PKP1: variants seen among roughly 807,000 people sequenced by gnomAD.
PKP1 encodes plakophilin 1, also known as plakophilin-1.
In PKP1, 27 loss-of-function variants were observed where a neutral mutation model predicts 76.4. The ratio of observed to expected loss-of-function variants is 0.35; its 90% CI spans 0.26 to 0.49. The LOEUF is 0.49. Ranked by LOEUF, PKP1 falls within the 20% of genes least tolerant of loss-of-function variation. The pLI, the probability that PKP1 is intolerant of heterozygous loss-of-function variation, is 0.99. For missense variants in PKP1, 964 were observed against 955.2 expected (o/e 1.01, Z -0.12); for synonymous variants, 404 against 384.2 (o/e 1.05, Z -0.60).
chr1:201,324,429 T>G lies in PKP1; in HGVS notation c.1682T>G (p.Met561Arg). 1 of 1,614,140 alleles carries G rather than the reference T, an allele frequency of 6.2e-7. No homozygotes were observed. Among genetic ancestry groups the G allele is most frequent in the East Asian group, 2.2e-5 (1 of 44,872 alleles). The change falls in exon 10 of 14, where the codon ATG becomes AGG. Residue 561 changes from methionine to arginine, a missense_variant and splice_region_variant. Met to Arg is a moderately conservative substitution (Grantham distance 91, BLOSUM62 -1). Transcript: ENST00000367324. ...LQNLTASKGL[M>R]SSGMSQLIGL... ...CATCATCTACTCCTTCTCTCTTAGA[T>G]GTCCAGTGGCATGAGCCAGTTGATT...
chr1:201,299,512 T>C (rs1195457571), intron 2 of PKP1, among the ~76,000 whole-genome samples: 1 of 152,180 alleles, frequency 6.6e-6, no homozygotes, highest in Non-Finnish European at 1.5e-5. Context: ...AGGACTCACT[T>C]AGGGTTGCAT....
intron 2 of PKP1, among the ~76,000 whole-genome samples, chr1:201,306,679 CT>C (rs3216545): frequency 0.041 from 5,991 of 146,882 alleles, 346 homozygotes; most frequent in African/African-American, 0.13. Context: ...AAAACTTTTA[CT>C]TTTTTTTTTT....
In PKP1 at chr1:201,325,934, C is replaced by A. The variant is rs549497704; in HGVS notation, c.2106+96C>A. 89 of 855,980 alleles carry A rather than the reference C, an allele frequency of 1.0e-4. 1 individual carries two copies. In the South Asian group the frequency reaches 1.2e-3, roughly 11 times the overall value. The allele number at this position is 855,980 out of a possible 1,614,324, so 53.0% of individuals were successfully genotyped here. On this transcript the variant is annotated intron_variant, in intron 12 of 13. Transcript: ENST00000367324. The stretch of plus-strand genomic sequence containing the variant: ...GGCTCTGGGCTGGGCACTAGAGAAA[C>A]GCCCCTGCCCTTCGGGACAGTCTGA...
chr1:201,292,674 T>A (rs864402), intron 1 of PKP1, among the ~76,000 whole-genome samples: 1 of 152,172 alleles, frequency 6.6e-6, no homozygotes, highest in Non-Finnish European at 1.5e-5. Context: ...CTACCTTGGC[T>A]GGGTGAGATC....
intron 1 of PKP1, among the ~76,000 whole-genome samples, chr1:201,290,718 G>A (rs1330854909): frequency 2.0e-5 from 3 of 152,228 alleles, no homozygotes; most frequent in African/African-American, 7.2e-5. Flanking sequence ...AAGCCAGTCA[G>A]GCCCAGACCC....
chr1:201,306,186 G>T (rs1656360176), intron 2 of PKP1, among the ~76,000 whole-genome samples: 1 of 152,224 alleles, frequency 6.6e-6, no homozygotes, highest in Admixed American at 6.5e-5. Context: ...GAGGGGGAAA[G>T]GTAAAACAGA....
intron 7 of PKP1, among the ~76,000 whole-genome samples, chr1:201,320,638 T>C (rs532107927): frequency 6.6e-6 from 1 of 152,358 alleles, no homozygotes; most frequent in Admixed American, 6.5e-5. Flanking sequence ...CGGTTCACTC[T>C]TCACTCTAAT....
Position 201,283,638 on chromosome 1 carries a change from C to A in PKP1, c.-65C>A. 7.1e-7 allele frequency: 1 copy of A among 1,414,264 alleles called. No homozygotes were observed. Among genetic ancestry groups the A allele is most frequent in the South Asian group, 1.2e-5 (1 of 83,594 alleles). The allele number at this position is 1,414,264 out of a possible 1,614,324, so 87.6% of individuals were successfully genotyped here. ...AGCACGCTCCTGCCCGCCCGCTGCA[C>A]CGCACCTCGCCTCGCCTCTCTGCTC... On this transcript the variant is annotated 5_prime_UTR_variant, in exon 1 of 14. Transcript: ENST00000367324.
intron 1 of PKP1, among the ~76,000 whole-genome samples, chr1:201,285,032 A>G (rs915786504): frequency 6.6e-6 from 1 of 152,190 alleles, no homozygotes; most frequent in East Asian, 1.9e-4. Context: ...GTGAGCAAAG[A>G]TTCCACTTGT....
chr1:201,317,347 G>A (rs1278183336), intron 4 of PKP1, among the ~76,000 whole-genome samples: 1 of 151,684 alleles, frequency 6.6e-6, no homozygotes, highest in Non-Finnish European at 1.5e-5. Context: ...TCCCAGCTAG[G>A]ATATGGGAGC....
intron 3 of PKP1, chr1:201,316,121 T>C (rs372458561): frequency 3.6e-4 from 49 of 136,220 alleles, no homozygotes; most frequent in Admixed American, 1.9e-3. Flanking sequence ...GATGGACGGA[T>C]GGACGGACGG....
chr1:201,293,439 G>A (rs1226630433), intron 1 of PKP1, among the ~76,000 whole-genome samples: 1 of 152,238 alleles, frequency 6.6e-6, no homozygotes, highest in Non-Finnish European at 1.5e-5. Flanking sequence ...AAGAATGGGA[G>A]GAAGTTTGGT....
Position 201,313,552 on chromosome 1 carries a change from C to T in PKP1, c.693C>T (p.Ala231=). The T allele has an allele frequency of 6.2e-7, 1 of 1,612,578 alleles. No individual in the cohort carries two copies. The highest frequency in any genetic ancestry group is 8.5e-7 in the Non-Finnish European group (1 of 1,178,964). The change falls in exon 3 of 14, where the codon GCC becomes GCT. Residue 231 remains alanine (A), a synonymous_variant. Transcript: ENST00000367324. ...ACCTGTCCTTTGGCCACTCTAGGGC[C>T]AGCTCCAAGTGAGTGCTGCTGGGCT... ...NKDLSFGHSR[A]SSKICSEDIE... is the part of the protein sequence containing the mutation.
chr1:201,325,230 A>G, intron 11 of PKP1, 103 bp downstream of exon 11: 2 of 1,236,710 alleles, frequency 1.6e-6, no homozygotes, highest in Non-Finnish European at 2.3e-6. Context: ...TAGGGGAAGC[A>G]CCAAGGGCAG....
chr1:201,313,031 T>A, intron 2 of PKP1, 135 bp from the exon 3 acceptor site: 1 of 900,446 alleles, frequency 1.1e-6, no homozygotes, highest in Non-Finnish European at 1.8e-6. Flanking sequence ...TGGCTCAGGT[T>A]CCTTCCACGC....
At chr1:201,325,475 G>C (rs987745307) in intron 11 of PKP1, among the ~76,000 whole-genome samples, 4 of 152,100 alleles carry the variant, frequency 2.6e-5, no homozygotes, top group African/African-American at 9.7e-5. Context: ...CTCTTCCCCG[G>C]ACAAGGCTGG....
intron 9 of PKP1, 55 bp from the exon 10 acceptor site, chr1:201,324,372 TG>T: frequency 1.3e-6 from 2 of 1,553,792 alleles, no homozygotes; most frequent in Non-Finnish European, 1.8e-6. Context: ...CCTTTCTGCC[TG>T]CCATGGTGCC....
chr1:201,304,645 T>C (rs1436129725), intron 2 of PKP1, among the ~76,000 whole-genome samples: 1 of 152,184 alleles, frequency 6.6e-6, no homozygotes, highest in African/African-American at 2.4e-5. Context: ...CCACTGGGGA[T>C]GGGGTCTTCC....
intron 2 of PKP1, among the ~76,000 whole-genome samples, chr1:201,307,702 G>C (rs746637951): frequency 1.3e-5 from 2 of 152,216 alleles, no homozygotes; most frequent in South Asian, 2.1e-4. Context: ...TACTACATGA[G>C]AGCCCCTCAT....
Sources: gnomAD v4.1 joint callset for allele counts (sites outside exome capture counted in the v4.1 genomes callset) on GRCh38, gnomAD v4.1.1 for gene constraint, MANE v1.5 for transcripts, NCBI Gene and HGNC (gene_info 2026-07-23, HGNC 2026-07-21) for gene names.